The following GDNF variants were observed in gnomAD, a reference collection of about 807,000 sequenced individuals.
GDNF encodes glial cell line-derived neurotrophic factor.
In GDNF, 5 loss-of-function variants were observed where a neutral mutation model predicts 13.7. The ratio of observed to expected loss-of-function variants is 0.36; its 90% CI spans 0.19 to 0.77. GDNF has a LOEUF of 0.77. Ranked by LOEUF, GDNF falls within the 30% of genes least tolerant of loss-of-function variation. GDNF has a pLI of 0.51. For synonymous variants in GDNF, 122 were observed against 112.5 expected (o/e 1.08, Z -0.53); for missense variants, 246 against 274.3 (o/e 0.90, Z 0.73).
chr5:37,818,696 C>A (rs1270619270), intron 2 of GDNF, among the ~76,000 whole-genome samples: 1 of 152,144 alleles, frequency 6.6e-6, no homozygotes, highest in Non-Finnish European at 1.5e-5. Context: ...AACTCAGGGC[C>A]TTTGTGCTGG....
At chr5:37,826,036 A>G (rs1294998061) in intron 2 of GDNF, among the ~76,000 whole-genome samples, 1 of 152,140 alleles carries the variant, frequency 6.6e-6, no homozygotes, top group Non-Finnish European at 1.5e-5. Context: ...TGATGCAGTC[A>G]GAAGAGTGAC....
At position 37,834,772 on chromosome 5, in the gene GDNF, C is replaced by A; in HGVS notation, c.25G>T (p.Val9Phe). ...GCGGTGTGGAGCAGCACCAGGCAGACAGCCACGACATCCCATAACTTCATC... is the reference window on the plus strand; with the variant it reads ...GCGGTGTGGAGCAGCACCAGGCAGAAAGCCACGACATCCCATAACTTCATC... MKLWDVVA[V>F]CLVLLHTASA... The change falls in exon 2 of 3, where the codon GTC becomes TTC. Residue 9 changes from valine to phenylalanine, a missense_variant. By Grantham distance (50) the Val-to-Phe change is conservative. Coordinates refer to ENST00000326524, the MANE Select transcript of GDNF (RefSeq NM_000514.4). 6.2e-7 allele frequency: 1 copy of A among 1,613,296 alleles called. No individual in the cohort carries two copies. Among genetic ancestry groups the A allele is most frequent in the Non-Finnish European group, 8.5e-7 (1 of 1,179,704 alleles).
In GDNF at chr5:37,814,542, G is replaced by T. The variant is rs1185879091; in HGVS notation, c.*1109C>A. The T allele has an allele frequency of 6.6e-6, 1 of 152,170 alleles. No individual in the cohort carries two copies. The highest frequency in any genetic ancestry group is 1.5e-5 in the Non-Finnish European group (1 of 68,020). 9.4% of individuals were successfully genotyped at this position (152,170 alleles called of 1,614,324 possible). A position where few individuals can be genotyped will look rare whatever the true frequency, so the allele number is the denominator to read the frequency against. ...ACTTTTTAATACTTTGAAAAGCATG[G>T]ACCCTTGTTCCCAATTCAAATTTCC... On this transcript the variant is annotated 3_prime_UTR_variant, in exon 3 of 3. Transcript: ENST00000326524.
At chr5:37,816,634 C>T (rs1749938714) in intron 2 of GDNF, among the ~76,000 whole-genome samples, 1 of 152,014 alleles carries the variant, frequency 6.6e-6, no homozygotes, top group African/African-American at 2.4e-5. Context: ...TAACAAGCCT[C>T]AAGGAATTCT....
chr5:37,815,137 G>A lies in GDNF; in HGVS notation c.*514C>T. 6.2e-6 allele frequency: 1 copy of A among 160,586 alleles called. No homozygotes were observed. Among genetic ancestry groups the A allele is most frequent in the Non-Finnish European group, 1.4e-5 (1 of 73,000 alleles). The allele number at this position is 160,586 out of a possible 1,614,324, so 9.9% of individuals were successfully genotyped here. On this transcript the variant is annotated 3_prime_UTR_variant, in exon 3 of 3. Coordinates refer to ENST00000326524, the MANE Select transcript of GDNF (RefSeq NM_000514.4). This position sits in a 1 kb window ranked among gnomAD's most constrained non-coding sequence, Gnocchi z 5.0. ...TTTTTTTTCCCCTCTCCTTTCCAGG[G>A]TATGTCTCCACTGAGTGACAGAAAA...
At position 37,838,633 on chromosome 5, in the gene GDNF, G is replaced by A. The variant is rs893507786; in HGVS notation, c.-27+874C>T. Among the ~76,000 whole-genome samples the A allele has an allele frequency of 5.3e-5, 8 of 152,206 alleles. No homozygotes were observed. Among genetic ancestry groups the A allele is most frequent in the African/African-American group, 1.7e-4 (7 of 41,450 alleles). On this transcript the variant is annotated intron_variant, in intron 1 of 2. Transcript: ENST00000326524. The surrounding 1 kb of genome is among the most constrained non-coding windows in gnomAD (Gnocchi z 4.1). ...CTAGCTGGGCCCCAGGAAGCTGGCGGGAACCCGCGAAAGTCCGTTTCCAGC... is the reference window on the plus strand; with the variant it reads ...CTAGCTGGGCCCCAGGAAGCTGGCGAGAACCCGCGAAAGTCCGTTTCCAGC...
At chr5:37,832,524 T>A (rs74972442) in intron 2 of GDNF, among the ~76,000 whole-genome samples, 2 of 152,292 alleles carry the variant, frequency 1.3e-5, no homozygotes, top group East Asian at 3.9e-4. Context: ...TATTGGGTCT[T>A]CCCACAGACA....
Position 37,815,388 on chromosome 5 carries a change from C to A in GDNF, c.*263G>T, listed in dbSNP as rs138074154. 7 of 535,994 alleles carry A rather than the reference C, an allele frequency of 1.3e-5. No homozygotes were observed. The highest frequency in any genetic ancestry group is 1.1e-4 in the African/African-American group (6 of 52,584). 33.2% of individuals were successfully genotyped at this position (535,994 alleles called of 1,614,324 possible). On this transcript the variant is annotated 3_prime_UTR_variant, in exon 3 of 3. Transcript: ENST00000326524. The surrounding 1 kb of genome is among the most constrained non-coding windows in gnomAD (Gnocchi z 5.0). ...ATCAGCCCTGAGCTTCTAGTGACAT[C>A]GGCTGCCATCCTGGAGAATCCAGAG...
chr5:37,832,076 G>A (rs1750539531), intron 2 of GDNF, among the ~76,000 whole-genome samples: 1 of 152,238 alleles, frequency 6.6e-6, no homozygotes, highest in East Asian at 1.9e-4. Context: ...ATTGGAACCA[G>A]CGGAACACAT....
chr5:37,816,207 T>C, intron 2 of GDNF, 72 bp from the exon 3 acceptor site: 2 of 1,539,012 alleles, frequency 1.3e-6, no homozygotes, highest in South Asian at 2.3e-5. Flanking sequence ...AAGATCAAAG[T>C]GCCCCCCTAA....
chr5:37,830,024 C>G (rs905596856), intron 2 of GDNF, among the ~76,000 whole-genome samples: 1 of 152,204 alleles, frequency 6.6e-6, no homozygotes, highest in Non-Finnish European at 1.5e-5. Flanking sequence ...CGATAAGACA[C>G]AACAGATAGA....
intron 1 of GDNF, among the ~76,000 whole-genome samples, chr5:37,836,539 T>C (rs1276828686): frequency 6.6e-6 from 1 of 152,176 alleles, no homozygotes; most frequent in Non-Finnish European, 1.5e-5. Flanking sequence ...GTTTGCAAAC[T>C]CGGGAAAAAG....
intron 2 of GDNF, among the ~76,000 whole-genome samples, chr5:37,821,119 C>T (rs1549250): frequency 2.0e-5 from 3 of 151,880 alleles, no homozygotes; most frequent in African/African-American, 2.4e-5. Flanking sequence ...GGGCATTAGG[C>T]GCCATACTCC....
intron 1 of GDNF, among the ~76,000 whole-genome samples, chr5:37,836,267 A>G (rs7705065): frequency 1.9e-3 from 296 of 152,082 alleles, no homozygotes; most frequent in African/African-American, 6.8e-3. Flanking sequence ...TGCCTTTCCT[A>G]GCCATTAGTT....
At position 37,813,230 on chromosome 5, in the gene GDNF, G is replaced by C. The variant is rs1377356759; in HGVS notation, c.*2421C>G. ...CCCAGGCGAGCAAGGGGAGCAGAAA[G>C]GACAGAGAAGGGCAGAACCATGAAG... is the stretch of plus-strand genomic sequence containing the variant. On this transcript the variant is annotated 3_prime_UTR_variant, in exon 3 of 3. Transcript: ENST00000326524. 6.6e-6 allele frequency: 1 copy of C among 152,284 alleles called. No homozygotes were observed. The highest frequency in any genetic ancestry group is 2.1e-4 in the South Asian group (1 of 4,832). The allele number at this position is 152,284 out of a possible 1,614,324, so 9.4% of individuals were successfully genotyped here.
In GDNF at chr5:37,815,490, C is replaced by T. The variant is rs1212740323; in HGVS notation, c.*161G>A. The stretch of plus-strand genomic sequence containing the variant: ...CCAGGCTCCCATGATGGCTGCCTTC[C>T]TCCTCCTCCTCCTCCTCCTCCTCCT... On this transcript the variant is annotated 3_prime_UTR_variant, in exon 3 of 3. Transcript: ENST00000326524. This position sits in a 1 kb window ranked among gnomAD's most constrained non-coding sequence, Gnocchi z 5.0. 8.4e-6 allele frequency: 3 copies of T among 355,842 alleles called. No individual in the cohort carries two copies. The highest frequency in any genetic ancestry group is 7.9e-5 in the East Asian group (1 of 12,730). The allele number at this position is 355,842 out of a possible 1,614,324, so 22.0% of individuals were successfully genotyped here.
chr5:37,826,732 A>G (rs763771412), intron 2 of GDNF, among the ~76,000 whole-genome samples: 3 of 152,178 alleles, frequency 2.0e-5, no homozygotes, highest in Non-Finnish European at 4.4e-5. Context: ...CATTTCCTCA[A>G]TTTCCACATG....
intron 2 of GDNF, among the ~76,000 whole-genome samples, chr5:37,831,665 G>A (rs763334342): frequency 2.4e-4 from 36 of 152,230 alleles, no homozygotes; most frequent in Non-Finnish European, 4.7e-4. Context: ...ATGGAACTGT[G>A]GTGCATTATA....
At chr5:37,817,346 GC>G (rs893316971) in intron 2 of GDNF, among the ~76,000 whole-genome samples, 128 of 152,240 alleles carry the variant, frequency 8.4e-4, no homozygotes, top group Middle Eastern at 3.4e-3. Flanking sequence ...GGCCTCTTAT[GC>G]CCCCCTCACC....
Sources: allele counts gnomAD v4.1 joint callset (sites outside exome capture counted in the v4.1 genomes callset), GRCh38; gene constraint gnomAD v4.1.1; non-coding constraint Gnocchi (gnomAD v3.1); transcripts MANE v1.5; gene names NCBI Gene and HGNC (gene_info 2026-07-23, HGNC 2026-07-21).